The following FAP variants were observed in gnomAD, a reference collection of about 807,000 sequenced individuals.
The protein encoded by FAP is fibroblast activation protein alpha.
FAP carries 110 observed loss-of-function variants against 126.5 expected under a neutral mutation model. The observed-to-expected ratio is 0.87, with a 90% confidence interval of 0.74 to 1.02. The LOEUF (loss-of-function observed/expected upper bound fraction) is 1.02, where lower values mean the gene tolerates loss of function less well. FAP is among the 50% of genes least tolerant of loss of function. The pLI, the probability that FAP is intolerant of heterozygous loss-of-function variation, is 0.00. For missense variants in FAP, 919 were observed against 909.2 expected, an observed-to-expected ratio of 1.01 and a Z score of -0.14; for synonymous variants, 334 against 297.3, an observed-to-expected ratio of 1.12 and a Z score of -1.27.
chr2:162,218,194 A>G, intron 8 of FAP, 54 bp from the exon 9 acceptor site: 1 of 1,190,954 alleles, frequency 8.4e-7, no homozygotes, highest in Non-Finnish European at 1.2e-6. Context: ...TCTTAAAATC[A>G]TTGTAAATAC....
Position 162,202,878 on chromosome 2 carries a change from T to A in FAP, c.1217A>T (p.Asp406Val). 1 of 1,613,030 alleles carries A rather than the reference T, an allele frequency of 6.2e-7. No individual in the cohort carries two copies. Among genetic ancestry groups the A allele is most frequent in the Non-Finnish European group, 8.5e-7 (1 of 1,179,046 alleles). ...TGCTTCGTGCAATACTTACAGTGAA[T>A]CCTGTGTTACTCTGAATATATTTAT... is the stretch of plus-strand genomic sequence containing the variant. ...EAINIFRVTQ[D>V]SLFYSSNEFE... The change falls in exon 14 of 26, where the codon GAT becomes GTT. Residue 406 changes from aspartate (D) to valine (V), a missense_variant. By Grantham distance (152) the Asp-to-Val change is radical. Coordinates refer to ENST00000188790, the MANE Select transcript of FAP (RefSeq NM_004460.5).
chr2:162,210,077 T>C, intron 11 of FAP, 81 bp from the exon 12 acceptor site: 1 of 1,194,850 alleles, frequency 8.4e-7, no homozygotes, highest in South Asian at 1.2e-5. Context: ...TTGGAAACAG[T>C]TAAGCTGCCT....
At chr2:162,198,089 A>G in intron 16 of FAP, 2 of 951,812 alleles carry the variant, frequency 2.1e-6, no homozygotes, top group Non-Finnish European at 2.8e-6. Context: ...GGTAGAAATT[A>G]TTCATTAAAT....
chr2:162,219,958 C>A, intron 6 of FAP, 33 bp from the exon 7 acceptor site: 1 of 1,462,148 alleles, frequency 6.8e-7, no homozygotes, highest in Non-Finnish European at 9.6e-7. Flanking sequence ...AAACAACAAA[C>A]CTTGCTGTTT....
intron 2 of FAP, 148 bp from the exon 3 acceptor site, chr2:162,226,769 T>C: frequency 1.9e-6 from 1 of 513,104 alleles, no homozygotes; most frequent in Non-Finnish European, 3.5e-6. Flanking sequence ...ATCATAACTA[T>C]TATTATTAAT....
chr2:162,179,970 G>A (rs1321284758), intron 21 of FAP, among the ~76,000 whole-genome samples: 2 of 151,822 alleles, frequency 1.3e-5, no homozygotes, highest in Non-Finnish European at 2.9e-5. Context: ...CACCATGCCT[G>A]GCTAAGTTTT....
Position 162,189,181 on chromosome 2 carries a change from A to G in FAP, c.1550-9T>C, listed in dbSNP as rs186468503. 5.5e-4 allele frequency: 834 copies of G among 1,510,168 alleles called. 5 individuals carry two copies. The African/African-American group carries it at 0.01, about 19-fold the overall frequency. The allele number at this position is 1,510,168 out of a possible 1,614,324, so 93.5% of individuals were successfully genotyped here. A position where few individuals can be genotyped will look rare whatever the true frequency, so the allele number is the denominator to read the frequency against. On this transcript the variant is annotated splice_polypyrimidine_tract_variant and intron_variant, in intron 18 of 25. Transcript: ENST00000188790. ...CATCTTGTACCATAAAGCTTTGAGG[A>G]AAAAAAAAGGAGAAAAATCTTCATT...
chr2:162,189,814 T>C, intron 17 of FAP, 60 bp from the exon 18 acceptor site: 1 of 984,830 alleles, frequency 1.0e-6, no homozygotes, highest in Non-Finnish European at 1.5e-6. Flanking sequence ...ATTTTTTTCC[T>C]TAAAATTCCT....
At chr2:162,172,622 T>A (rs1687350114) in intron 25 of FAP, 189 bp downstream of exon 25, 1 of 542,184 alleles carries the variant, frequency 1.8e-6, no homozygotes, top group Non-Finnish European at 3.3e-6. Context: ...CGAGAGGTGA[T>A]CTGGTTTGCC....
At chr2:162,198,400 C>T (rs571057114) in intron 16 of FAP, 65 of 1,233,396 alleles carry the variant, frequency 5.3e-5, no homozygotes, top group African/African-American at 5.3e-4. Context: ...TCAGGTCTTG[C>T]GAAGCCTAGC....
intron 6 of FAP, among the ~76,000 whole-genome samples, chr2:162,222,605 C>T (rs907180938): frequency 6.6e-6 from 1 of 151,982 alleles, no homozygotes; most frequent in African/African-American, 2.4e-5. Context: ...TATATAACAG[C>T]AAACAAGATA....
chr2:162,172,827 A>C lies in FAP; in HGVS notation c.2165T>G (p.Val722Gly), dbSNP rs1204075215. 1 of 1,612,386 alleles carries C rather than the reference A, an allele frequency of 6.2e-7. No homozygotes were observed. Among genetic ancestry groups the C allele is most frequent in the African/African-American group, 1.3e-5 (1 of 74,874 alleles). The change falls in exon 25 of 26, where the codon GTG (valine) becomes GGG (glycine). Residue 722 changes from valine to glycine, a missense_variant. Coordinates refer to ENST00000188790, the MANE Select transcript of FAP (RefSeq NM_004460.5). ...ATTATGTACCATTGCCTGGAAATCC[A>C]CTTGTGCATTAACCAGAGCTTTAGC... ...QIAKALVNAQ[V>G]DFQAMWYSDQ...
At chr2:162,180,754 C>G (rs560553221) in intron 21 of FAP, among the ~76,000 whole-genome samples, 26 of 152,120 alleles carry the variant, frequency 1.7e-4, no homozygotes, top group Non-Finnish European at 3.1e-4. Flanking sequence ...TTAAAATAGG[C>G]TTTAACAAGT....
chr2:162,231,939 A>G, intron 2 of FAP, among the ~76,000 whole-genome samples: 1 of 152,184 alleles, frequency 6.6e-6, no homozygotes, highest in East Asian at 1.9e-4. Context: ...GGTCATACCA[A>G]GGAAAGGGTC....
intron 7 of FAP, 70 bp from the exon 8 acceptor site, chr2:162,219,253 C>A: frequency 7.1e-7 from 1 of 1,405,990 alleles, no homozygotes; most frequent in Non-Finnish European, 9.7e-7. Flanking sequence ...TTAATTATTC[C>A]TCTAATACCT....
chr2:162,230,698 G>A (rs995497870), intron 2 of FAP, among the ~76,000 whole-genome samples: 4 of 152,040 alleles, frequency 2.6e-5, no homozygotes, highest in African/African-American at 9.6e-5. Context: ...GGAGCCCCTT[G>A]GAGTGTGCTT....
intron 16 of FAP, among the ~76,000 whole-genome samples, chr2:162,196,492 AGTT>A (rs1688256883): frequency 6.6e-6 from 1 of 150,740 alleles, no homozygotes; most frequent in Non-Finnish European, 1.5e-5. Flanking sequence ...ATGAGTGTGT[AGTT>A]TCAATAATGG....
Position 162,224,554 on chromosome 2 carries a change from G to A in FAP, c.286-14C>T, listed in dbSNP as rs754928947. 5 of 1,536,746 alleles carry A rather than the reference G, an allele frequency of 3.3e-6. No individual in the cohort carries two copies. Among genetic ancestry groups the A allele is most frequent in the South Asian group, 1.2e-5 (1 of 84,226 alleles). Reference sequence around the variant, plus strand: ...ATTCACACTTTTCTGAAATTATGAAGAGGTTGATTAGAATACAGAAAAGAT... The same window carrying A: ...ATTCACACTTTTCTGAAATTATGAAAAGGTTGATTAGAATACAGAAAAGAT... On this transcript the variant is annotated splice_polypyrimidine_tract_variant and intron_variant, in intron 4 of 25. Transcript: ENST00000188790.
At chr2:162,172,526 T>A (rs940486171) in intron 25 of FAP, 16 of 327,064 alleles carry the variant, frequency 4.9e-5, no homozygotes, top group African/African-American at 3.3e-4. Context: ...CTTATTCACA[T>A]AGGATTTCAG....
Sources: allele counts gnomAD v4.1 joint callset (sites outside exome capture counted in the v4.1 genomes callset), GRCh38; gene constraint gnomAD v4.1.1; transcripts MANE v1.5; gene names NCBI Gene and HGNC (gene_info 2026-07-23, HGNC 2026-07-21).